Variants in NPR1 observed in about 807,000 individuals in gnomAD.
NPR1 encodes atrial natriuretic peptide receptor 1.
In NPR1, 57 loss-of-function variants were observed where a neutral mutation model predicts 116.9. That is an observed-to-expected ratio of 0.49 (90% CI 0.39 to 0.61). The LOEUF is 0.61. NPR1 is among the 20% of genes least tolerant of loss of function. The pLI is 0.00. For missense variants in NPR1, 1,096 were observed against 1,409.8 expected, an observed-to-expected ratio of 0.78 and a Z score of 3.56; for synonymous variants, 555 against 601.6, an observed-to-expected ratio of 0.92 and a Z score of 1.13.
rs775817278 is a variant in NPR1 at position 153,685,068 on chromosome 1, G to A, written c.1589G>A (p.Arg530Gln). 6.8e-5 allele frequency: 109 copies of A among 1,613,906 alleles called. No homozygotes were observed. The South Asian group carries it at 8.1e-4, about 12-fold the overall frequency. ...AGGCACCTGCGGAGTGCAGGCAGCC[G>A]GCTGACCCTGAGCGGGGTAAGAACG... ...LERHLRSAGSRLTLSGRGSNY... is the reference protein window; with the variant it reads ...LERHLRSAGSQLTLSGRGSNY... Residue 530 changes from arginine (R) to glutamine (Q), a missense_variant, in exon 8 of 22, where the codon CGG (arginine) becomes CAG (glutamine). By Grantham distance (43) the Arg-to-Gln change is conservative. Transcript: ENST00000368680.
chr1:153,688,323 C>T (rs1669991886), intron 15 of NPR1, 102 bp downstream of exon 15: 1 of 1,196,974 alleles, frequency 8.4e-7, no homozygotes, highest in African/African-American at 1.5e-5. Context: ...AGAGGGAGAC[C>T]ACTCACCTCC....
intron 20 of NPR1, among the ~76,000 whole-genome samples, chr1:153,692,594 C>A (rs1454082994): frequency 3.3e-5 from 5 of 151,484 alleles, no homozygotes; most frequent in African/African-American, 7.3e-5. Flanking sequence ...CTCACTGCAA[C>A]CTCCGCCTCC....
rs756888923 is a variant in NPR1 at position 153,685,880 on chromosome 1, G to A, written c.1680G>A (p.Lys560=). The part of the protein sequence containing the change: ...FQVFAKTAYY[K]GNLVAVKRVN... The stretch of plus-strand genomic sequence containing the variant: ...TCTTTGCCAAGACAGCATATTATAA[G>A]GTGGGCCTGGGGAAAGATCACTGGG... Residue 560 remains lysine, a splice_region_variant and synonymous_variant, in exon 9 of 22, where the codon AAG becomes AAA. Coordinates refer to ENST00000368680, the MANE Select transcript of NPR1 (RefSeq NM_000906.4). 2 of 1,613,560 alleles carry A rather than the reference G, an allele frequency of 1.2e-6. No individual in the cohort carries two copies. The highest frequency in any genetic ancestry group is 3.3e-5 in the Admixed American group (2 of 60,014).
chr1:153,681,902 C>T (rs1249928683), intron 4 of NPR1, 63 bp downstream of exon 4: 3 of 1,582,146 alleles, frequency 1.9e-6, no homozygotes, highest in East Asian at 2.3e-5. Flanking sequence ...TGCCCAGTGT[C>T]AAGCCATGAG....
At position 153,679,975 on chromosome 1, in the gene NPR1, T is replaced by C. The variant is rs1669716622; in HGVS notation, c.721+146T>C. Reference sequence around the variant, plus strand: ...ATTCTACTTTCAGCTCCCTGGCCCTTTCTACAGCTGAGTTTCTATTTCCCT... The same window carrying C: ...ATTCTACTTTCAGCTCCCTGGCCCTCTCTACAGCTGAGTTTCTATTTCCCT... On this transcript the variant is annotated intron_variant, in intron 1 of 21. Coordinates refer to ENST00000368680, the MANE Select transcript of NPR1 (RefSeq NM_000906.4). The surrounding 1 kb of genome is among the most constrained non-coding windows in gnomAD (Gnocchi z 4.2). 3.4e-5 allele frequency: 39 copies of C among 1,137,870 alleles called. 1 individual carries two copies. In the South Asian group the frequency reaches 6.0e-4, roughly 17 times the overall value. 70.5% of individuals were successfully genotyped at this position (1,137,870 alleles called of 1,614,324 possible). A position where few individuals can be genotyped will look rare whatever the true frequency, so the allele number is the denominator to read the frequency against.
At chr1:153,688,325 C>T (rs1669991948) in intron 15 of NPR1, 104 bp downstream of exon 15, 2 of 1,182,578 alleles carry the variant, frequency 1.7e-6, no homozygotes, top group Middle Eastern at 2.0e-4. Flanking sequence ...AGGGAGACCA[C>T]TCACCTCCTC....
At position 153,679,814 on chromosome 1, in the gene NPR1, C is replaced by A. The variant is rs1228931648; in HGVS notation, c.706C>A (p.Pro236Thr). ...CTACACCAGGCTGCTGCGGACCATG[C>A]CGCGCAAAGGCCGAGGTGAGACGCT... ...SHYTRLLRTM[P>T]RKGRVIYICS... Residue 236 changes from proline (P) to threonine (T), a missense_variant, in exon 1 of 22, where the codon CCG becomes ACG. Transcript: ENST00000368680. The surrounding 1 kb of genome is among the most constrained non-coding windows in gnomAD (Gnocchi z 4.2). 1.3e-6 allele frequency: 2 copies of A among 1,542,244 alleles called. No homozygotes were observed. The highest frequency in any genetic ancestry group is 2.4e-5 in the South Asian group (2 of 84,416).
rs1211010147 is a variant in NPR1, at chr1:153,681,642, A to G, written c.1036-62A>G. The stretch of plus-strand genomic sequence containing the variant: ...CCCAGTGCCTCTTGTTCCCTTCCCC[A>G]CAGCTCCCACCTCCATGCCCTTCAT... On this transcript the variant is annotated intron_variant, in intron 3 of 21. Transcript: ENST00000368680. 1.3e-5 allele frequency: 21 copies of G among 1,576,144 alleles called. 1 individual carries two copies. In the African/African-American group the frequency reaches 1.4e-4, roughly 10 times the overall value.
rs1378521258 is a variant in NPR1 at position 153,689,760 on chromosome 1, C to G, written c.2758-46C>G. On this transcript the variant is annotated intron_variant, in intron 18 of 21. Coordinates refer to ENST00000368680, the MANE Select transcript of NPR1 (RefSeq NM_000906.4). The surrounding 1 kb of genome is among the most constrained non-coding windows in gnomAD (Gnocchi z 5.1). ...CCCGGTGTGACGGTGTGGCCGGCCGCACAGTTGCAGCCGTCAAGTCCTGCA... is the reference window on the plus strand; with the variant it reads ...CCCGGTGTGACGGTGTGGCCGGCCGGACAGTTGCAGCCGTCAAGTCCTGCA... 9.5e-6 allele frequency: 14 copies of G among 1,479,156 alleles called. No homozygotes were observed. The highest frequency in any genetic ancestry group is 1.0e-5 in the Non-Finnish European group (11 of 1,104,978). 91.6% of individuals were successfully genotyped at this position (1,479,156 alleles called of 1,614,324 possible). A position where few individuals can be genotyped will look rare whatever the true frequency, so the allele number is the denominator to read the frequency against.
chr1:153,681,634 C>T, intron 3 of NPR1, 70 bp from the exon 4 acceptor site: 6 of 1,555,132 alleles, frequency 3.9e-6, no homozygotes, highest in Non-Finnish European at 5.3e-6. Flanking sequence ...CCTCTTGTTC[C>T]CTTCCCCACA....
intron 7 of NPR1, among the ~76,000 whole-genome samples, chr1:153,684,277 A>G (rs1002194853): frequency 2.0e-5 from 3 of 152,016 alleles, no homozygotes; most frequent in African/African-American, 7.2e-5. Flanking sequence ...AAAATGAAGT[A>G]CAGGAGGAGT....
chr1:153,689,246 G>GT lies in NPR1; in HGVS notation c.2625dup (p.Thr876TyrfsTer6). On this transcript the variant is annotated frameshift_variant, in exon 17 of 22. Transcript: ENST00000368680. LOFTEE classifies it high-confidence loss of function. This position sits in a 1 kb window ranked among gnomAD's most constrained non-coding sequence, Gnocchi z 5.1. Reference sequence around the variant, plus strand: ...GGTGCAGGCCGAAGCCTTTGACAGTGTTACCATCTACTTCAGTGACATTGT... The same window carrying GT: ...GGTGCAGGCCGAAGCCTTTGACAGTGTTTACCATCTACTTCAGTGACATTGT... 1 of 1,614,204 alleles carries GT rather than the reference G, an allele frequency of 6.2e-7. No individual in the cohort carries two copies. The highest frequency in any genetic ancestry group is 2.2e-5 in the East Asian group (1 of 44,886).
chr1:153,691,843 G>C (rs1670116022), intron 20 of NPR1, among the ~76,000 whole-genome samples: 1 of 151,278 alleles, frequency 6.6e-6, no homozygotes, highest in African/African-American at 2.4e-5. Context: ...ATGTTGCAGT[G>C]AGCCGAGACT....
chr1:153,681,352 C>G, intron 3 of NPR1, 59 bp downstream of exon 3: 1 of 945,908 alleles, frequency 1.1e-6, no homozygotes, highest in South Asian at 1.3e-5. Context: ...CCATGACCCT[C>G]TGCCAGCCTC....
In NPR1 at chr1:153,689,243, A is replaced by G. The variant is rs143103766; in HGVS notation, c.2620A>G (p.Ser874Gly). The change falls in exon 17 of 22, where the codon AGT (serine) becomes GGT (glycine). Residue 874 changes from serine (S) to glycine (G), a missense_variant. Physicochemically the swap from Ser to Gly is moderately conservative, Grantham distance 56. Transcript: ENST00000368680. This position sits in a 1 kb window ranked among gnomAD's most constrained non-coding sequence, Gnocchi z 5.1. The stretch of plus-strand genomic sequence containing the variant: ...GACGGTGCAGGCCGAAGCCTTTGAC[A>G]GTGTTACCATCTACTTCAGTGACAT... ...GETVQAEAFDSVTIYFSDIVG... is the reference protein window; with the variant it reads ...GETVQAEAFDGVTIYFSDIVG... The G allele has an allele frequency of 3.0e-5, 48 of 1,614,046 alleles. No homozygotes were observed. Among genetic ancestry groups the G allele is most frequent in the Non-Finnish European group, 4.1e-5 (48 of 1,180,038 alleles).
rs148095285 is a variant in NPR1, at chr1:153,681,697, C to T, written c.1036-7C>T. On this transcript the variant is annotated splice_polypyrimidine_tract_variant and splice_region_variant and intron_variant, in intron 3 of 21. Transcript: ENST00000368680. ...CCACCCCAGCCGACCTCTGTTTGCC[C>T]CTACAGGTGAACACCATCCCAGCAT... 6.2e-7 allele frequency: 1 copy of T among 1,613,618 alleles called. No individual in the cohort carries two copies. Among genetic ancestry groups the T allele is most frequent in the East Asian group, 2.2e-5 (1 of 44,872 alleles).
chr1:153,680,032 T>A (rs1397180220), intron 1 of NPR1, among the ~76,000 whole-genome samples: 1 of 151,212 alleles, frequency 6.6e-6, no homozygotes, highest in East Asian at 2.0e-4. Context: ...CACGTCTCTA[T>A]CCTCTCATCT....
Position 153,690,729 on chromosome 1 carries a change from G to A in NPR1, c.3031+347G>A, listed in dbSNP as rs777364496. Among the ~76,000 whole-genome samples, 258 of 151,968 alleles carry A rather than the reference G, an allele frequency of 1.7e-3. 1 individual carries two copies. The highest frequency in any genetic ancestry group is 2.5e-3 in the Non-Finnish European group (173 of 67,952). On this transcript the variant is annotated intron_variant, in intron 20 of 21. Transcript: ENST00000368680. ...AGCTGAGGCAGGCGGATCACCTGAG[G>A]TCGGGGGTTCGAGACCAGCCTGACC...
At position 153,679,315 on chromosome 1, in the gene NPR1, C is replaced by T. The variant is rs941828865; in HGVS notation, c.207C>T (p.Arg69=). The T allele has an allele frequency of 2.6e-6, 4 of 1,532,650 alleles. No homozygotes were observed. The highest frequency in any genetic ancestry group is 2.8e-5 in the African/African-American group (2 of 71,584). The allele number at this position is 1,532,650 out of a possible 1,614,324, so 94.9% of individuals were successfully genotyped here. The part of the protein sequence containing the change: ...VELALAQVKA[R]PDLLPGWTVR... ...TGGCCCTGGCCCAGGTGAAGGCGCG[C>T]CCCGACTTGCTGCCGGGCTGGACGG... Residue 69 remains arginine (R), a synonymous_variant, in exon 1 of 22, where the codon CGC becomes CGT. Coordinates refer to ENST00000368680, the MANE Select transcript of NPR1 (RefSeq NM_000906.4). The surrounding 1 kb of genome is among the most constrained non-coding windows in gnomAD (Gnocchi z 4.2).
Sources: allele counts gnomAD v4.1 joint callset (sites outside exome capture counted in the v4.1 genomes callset), GRCh38; gene constraint gnomAD v4.1.1; non-coding constraint Gnocchi (gnomAD v3.1); transcripts MANE v1.5; gene names NCBI Gene and HGNC (gene_info 2026-07-23, HGNC 2026-07-21).